Variants in SLCO2A1 observed in about 807,000 individuals in gnomAD.
SLCO2A1 encodes the protein solute carrier organic anion transporter family member 2A1.
A neutral mutation model predicts 71.7 loss-of-function variants in SLCO2A1; 60 were observed. That is an observed-to-expected ratio of 0.84 (90% CI 0.68 to 1.04). The LOEUF is 1.04. Ranked by LOEUF, SLCO2A1 falls within the 50% of genes least tolerant of loss-of-function variation. The pLI, the probability that SLCO2A1 is intolerant of heterozygous loss-of-function variation, is 0.00. For synonymous variants in SLCO2A1, 308 were observed against 326.7 expected, an observed-to-expected ratio of 0.94 and a Z score of 0.62; for missense variants, 745 against 813.4, an observed-to-expected ratio of 0.92 and a Z score of 1.02.
chr3:134,022,057 TCCTAAAGGAAAAAAAAAAAAAGAAAAAAA>T (rs2108079868), intron 1 of SLCO2A1, among the ~76,000 whole-genome samples: 1 of 139,370 alleles, frequency 7.2e-6, no homozygotes, highest in African/African-American at 2.7e-5. Flanking sequence ...TTCAGAAGTA[TCCTAAAGGAAAAAAAAAAAAAGAAAAAAA>T]GAGGAGGGGC....
chr3:133,957,896 A>C (rs1933935007), intron 3 of SLCO2A1, among the ~76,000 whole-genome samples: 1 of 152,238 alleles, frequency 6.6e-6, no homozygotes, highest in South Asian at 2.1e-4. Flanking sequence ...TGTGTCATTA[A>C]AGAGGTAGAA....
At position 133,947,309 on chromosome 3, in the gene SLCO2A1, A is replaced by C. The variant is rs1464892916; in HGVS notation, c.1242T>G (p.Pro414=). 6.2e-7 allele frequency: 1 copy of C among 1,614,046 alleles called. No homozygotes were observed. The highest frequency in any genetic ancestry group is 8.5e-7 in the Non-Finnish European group (1 of 1,180,046). ...IITISMILCV[P]LFFMGCSTPT... ...GGGTGGAGCATCCCATGAAGAACAAAGGAACACAAAGGATCATGGAGATGG... is the reference window on the plus strand; with the variant it reads ...GGGTGGAGCATCCCATGAAGAACAACGGAACACAAAGGATCATGGAGATGG... Residue 414 remains proline (P), a synonymous_variant, in exon 9 of 14, where the codon CCT becomes CCG. Transcript: ENST00000310926.
intron 3 of SLCO2A1, among the ~76,000 whole-genome samples, chr3:133,968,454 C>G (rs1934241654): frequency 1.3e-5 from 2 of 152,176 alleles, no homozygotes; most frequent in Non-Finnish European, 2.9e-5. Flanking sequence ...GGCCCTGTGC[C>G]TTCCCACCGC....
chr3:133,953,272 C>T (rs186464746), intron 5 of SLCO2A1, among the ~76,000 whole-genome samples: 25 of 152,290 alleles, frequency 1.6e-4, no homozygotes, highest in Non-Finnish European at 2.8e-4. Flanking sequence ...CTCCTGACCT[C>T]GTGATCCACC....
intron 3 of SLCO2A1, among the ~76,000 whole-genome samples, chr3:133,966,199 T>C (rs573104726): frequency 6.6e-5 from 10 of 152,196 alleles, no homozygotes; most frequent in Non-Finnish European, 1.5e-4. Flanking sequence ...CTTGCTTATC[T>C]ATTGGGAAGG....
chr3:133,954,719 A>AT (rs1336579569), intron 4 of SLCO2A1, among the ~76,000 whole-genome samples: 34 of 152,144 alleles, frequency 2.2e-4, no homozygotes, highest in African/African-American at 7.2e-4. Flanking sequence ...CGCACAGATA[A>AT]TATCAGCCTC....
intron 1 of SLCO2A1, among the ~76,000 whole-genome samples, chr3:134,025,128 A>G (rs1425041394): frequency 6.6e-6 from 1 of 152,056 alleles, no homozygotes; most frequent in Non-Finnish European, 1.5e-5. Context: ...TGCGGGACTC[A>G]TTTTCCTTAA....
At chr3:133,982,408 G>A (rs1461400682) in intron 1 of SLCO2A1, among the ~76,000 whole-genome samples, 1 of 152,104 alleles carries the variant, frequency 6.6e-6, no homozygotes, top group African/African-American at 2.4e-5. Flanking sequence ...TCTGTACCCA[G>A]AACTTTCGCC....
chr3:133,994,659 TG>T (rs1559950677), intron 1 of SLCO2A1, among the ~76,000 whole-genome samples: 1 of 152,236 alleles, frequency 6.6e-6, no homozygotes, highest in East Asian at 1.9e-4. Flanking sequence ...CATGCACCCT[TG>T]GGGGGAAGCT....
intron 5 of SLCO2A1, 24 bp downstream of exon 5, chr3:133,953,639 T>G (rs764953303): frequency 1.3e-6 from 2 of 1,585,044 alleles, no homozygotes; most frequent in South Asian, 2.2e-5. Context: ...GGGATGGGAA[T>G]GGGTGTCCTC....
chr3:133,992,139 G>A (rs79854266), intron 1 of SLCO2A1, among the ~76,000 whole-genome samples: 2 of 152,292 alleles, frequency 1.3e-5, no homozygotes, highest in East Asian at 1.9e-4. Context: ...AAAATCACTT[G>A]AAGGTCATCA....
intron 3 of SLCO2A1, among the ~76,000 whole-genome samples, chr3:133,957,706 A>G (rs140543367): frequency 6.6e-6 from 1 of 152,278 alleles, no homozygotes; most frequent in East Asian, 1.9e-4. Flanking sequence ...GATGTGTGCT[A>G]GAATCTGGGA....
intron 2 of SLCO2A1, among the ~76,000 whole-genome samples, chr3:133,975,049 C>T (rs1293909684): frequency 1.3e-5 from 2 of 152,188 alleles, no homozygotes; most frequent in African/African-American, 2.4e-5. Flanking sequence ...TCCTCTCCTG[C>T]TTCCCTTCCC....
intron 10 of SLCO2A1, among the ~76,000 whole-genome samples, chr3:133,943,249 G>C (rs931533396): frequency 1.3e-5 from 2 of 152,222 alleles, no homozygotes; most frequent in Non-Finnish European, 2.9e-5. Context: ...TTCCCTGCCT[G>C]AAAGGAACTC....
chr3:134,004,485 C>A (rs1935166956), intron 1 of SLCO2A1, among the ~76,000 whole-genome samples: 1 of 152,148 alleles, frequency 6.6e-6, no homozygotes, highest in Admixed American at 6.5e-5. Flanking sequence ...CAGTCGTGCC[C>A]CACCATGCCT....
At chr3:134,015,005 A>G (rs1935417073) in intron 1 of SLCO2A1, among the ~76,000 whole-genome samples, 1 of 152,236 alleles carries the variant, frequency 6.6e-6, no homozygotes, top group East Asian at 1.9e-4. Context: ...TCACTTACCA[A>G]AAGCAAGCGT....
chr3:134,011,229 T>G (rs2108074708), intron 1 of SLCO2A1, among the ~76,000 whole-genome samples: 2 of 152,312 alleles, frequency 1.3e-5, no homozygotes, highest in Admixed American at 1.3e-4. Flanking sequence ...TTTTGTATCT[T>G]TAGTAGAGAC....
chr3:133,961,723 A>G (rs1322586486), intron 3 of SLCO2A1, among the ~76,000 whole-genome samples: 1 of 152,212 alleles, frequency 6.6e-6, no homozygotes, highest in Non-Finnish European at 1.5e-5. Flanking sequence ...CCCCAATTAC[A>G]TCCAAGTCTA....
rs566866275 is a variant in SLCO2A1, at chr3:134,018,092, C to T, written c.96+11615G>A. Among the ~76,000 whole-genome samples, 40 of 152,240 alleles carry T rather than the reference C, an allele frequency of 2.6e-4. No homozygotes were observed. The East Asian group carries it at 6.2e-3, about 24-fold the overall frequency. ...ATCATCCAGGAAGAGGAGGTCTGAG[C>T]GACCCATGGCCCACCTGATCCTACC... On this transcript the variant is annotated intron_variant, in intron 1 of 13. Coordinates refer to ENST00000310926, the MANE Select transcript of SLCO2A1 (RefSeq NM_005630.3).
Sources: allele counts gnomAD v4.1 joint callset (sites outside exome capture counted in the v4.1 genomes callset), GRCh38; gene constraint gnomAD v4.1.1; transcripts MANE v1.5; gene names NCBI Gene and HGNC (gene_info 2026-07-23, HGNC 2026-07-21).